Variants in MCU observed in about 807,000 individuals in gnomAD.
MCU encodes mitochondrial calcium uniporter.
A neutral mutation model predicts 45.2 loss-of-function variants in MCU; 12 were observed. The ratio of observed to expected loss-of-function variants is 0.27; its 90% CI spans 0.17 to 0.43. The LOEUF is 0.43. Ranked by LOEUF, MCU falls within the 20% of genes least tolerant of loss-of-function variation. MCU has a pLI of 1.00. For synonymous variants in MCU, 160 were observed against 165.1 expected, an observed-to-expected ratio of 0.97 and a Z score of 0.24; for missense variants, 324 against 436.7, an observed-to-expected ratio of 0.74 and a Z score of 2.30.
intron 4 of MCU, among the ~76,000 whole-genome samples, chr10:72,864,709 C>CG (rs1274563423): frequency 6.6e-6 from 1 of 152,066 alleles, no homozygotes; most frequent in Non-Finnish European, 1.5e-5. Flanking sequence ...CCAACACCCC[C>CG]GCCACATTGT....
intron 2 of MCU, among the ~76,000 whole-genome samples, chr10:72,851,211 A>C (rs1845202637): frequency 6.6e-6 from 1 of 152,210 alleles, no homozygotes. Context: ...TGCTCTTTAA[A>C]GGAAGAAGTT....
intron 1 of MCU, among the ~76,000 whole-genome samples, chr10:72,796,693 G>GT (rs34029455): frequency 0.42 from 55,529 of 133,780 alleles, 12,949 homozygotes; most frequent in Middle Eastern, 0.57. Flanking sequence ...TTTAGTTTTT[G>GT]TTTTTTTTTT....
intron 1 of MCU, among the ~76,000 whole-genome samples, chr10:72,804,177 C>T (rs1291156433): frequency 6.7e-6 from 1 of 149,792 alleles, no homozygotes; most frequent in East Asian, 2.0e-4. Context: ...ACCTCCACCT[C>T]CTGGGTTCAA....
At chr10:72,828,928 T>A (rs374891148) in intron 1 of MCU, among the ~76,000 whole-genome samples, 2 of 152,320 alleles carry the variant, frequency 1.3e-5, no homozygotes, top group South Asian at 2.1e-4. Flanking sequence ...GTTCTCAAGT[T>A]ACTTATTAAA....
intron 1 of MCU, among the ~76,000 whole-genome samples, chr10:72,772,722 A>T (rs1268509802): frequency 6.6e-6 from 1 of 152,196 alleles, no homozygotes; most frequent in Non-Finnish European, 1.5e-5. Context: ...AATCAAAACA[A>T]GCCAGATAGA....
At chr10:72,799,502 A>T (rs1564560151) in intron 1 of MCU, among the ~76,000 whole-genome samples, 2 of 147,694 alleles carry the variant, frequency 1.4e-5, no homozygotes, top group South Asian at 2.1e-4. Context: ...TTTTTTTTTT[A>T]AACAAGATGC....
intron 1 of MCU, among the ~76,000 whole-genome samples, chr10:72,793,748 G>A (rs1474891292): frequency 2.0e-5 from 3 of 152,072 alleles, no homozygotes; most frequent in African/African-American, 7.2e-5. Flanking sequence ...TTTCCTAACT[G>A]CATGGTGGCT....
At chr10:72,778,872 G>T (rs1026563954) in intron 1 of MCU, among the ~76,000 whole-genome samples, 1 of 152,038 alleles carries the variant, frequency 6.6e-6, no homozygotes, top group Non-Finnish European at 1.5e-5. Flanking sequence ...AATTTCAGTG[G>T]GGAAAAAAAA....
intron 1 of MCU, among the ~76,000 whole-genome samples, chr10:72,781,974 G>A (rs1844001476): frequency 6.6e-6 from 1 of 152,096 alleles, no homozygotes; most frequent in African/African-American, 2.4e-5. Context: ...GATGTTTGGG[G>A]TCACTTTCAT....
At chr10:72,872,904 C>G (rs1448408939) in intron 6 of MCU, among the ~76,000 whole-genome samples, 2 of 151,990 alleles carry the variant, frequency 1.3e-5, no homozygotes, top group African/African-American at 4.8e-5. Flanking sequence ...ACATCCTCAC[C>G]AGCATTTGAT....
At chr10:72,759,365 T>A (rs1038746249) in intron 1 of MCU, among the ~76,000 whole-genome samples, 5 of 152,128 alleles carry the variant, frequency 3.3e-5, no homozygotes, top group Non-Finnish European at 5.9e-5. Flanking sequence ...TTCTATACAA[T>A]GTCTGTAATC....
rs116979465 is a variant in MCU at position 72,749,465 on chromosome 10, T to C, written c.150+57164T>C. 2.6e-3 allele frequency among the ~76,000 whole-genome samples: 398 copies of C among 152,362 alleles called. 1 individual carries two copies. The highest frequency in any genetic ancestry group is 4.2e-3 in the Non-Finnish European group (287 of 68,036). ...AGAATATAATTTTATTAGCTTATAA[T>C]TACAAAATAAATACAACACATTAGG... On this transcript the variant is annotated intron_variant, in intron 1 of 7. Coordinates refer to ENST00000373053, the MANE Select transcript of MCU (RefSeq NM_138357.3).
chr10:72,819,364 C>T (rs1844674493), intron 1 of MCU, among the ~76,000 whole-genome samples: 2 of 152,214 alleles, frequency 1.3e-5, no homozygotes, highest in Non-Finnish European at 2.9e-5. Flanking sequence ...TTAGCCCTTT[C>T]ATTAATTGTT....
intron 1 of MCU, among the ~76,000 whole-genome samples, chr10:72,700,556 ATTAATT>A (rs1301372739): frequency 6.6e-6 from 1 of 152,198 alleles, no homozygotes; most frequent in Non-Finnish European, 1.5e-5. Context: ...CTTCAAGCAA[ATTAATT>A]TTAATAAGTT....
chr10:72,843,069 A>G (rs925263829), intron 2 of MCU, among the ~76,000 whole-genome samples: 2 of 152,164 alleles, frequency 1.3e-5, no homozygotes, highest in Admixed American at 1.3e-4. Context: ...TATCCTATAT[A>G]TTCCCTGCCC....
intron 1 of MCU, among the ~76,000 whole-genome samples, chr10:72,778,925 A>G (rs1444997091): frequency 3.3e-5 from 5 of 152,180 alleles, no homozygotes; most frequent in African/African-American, 4.8e-5. Context: ...TGGAGCCTGC[A>G]TAAGGATGGA....
intron 1 of MCU, among the ~76,000 whole-genome samples, chr10:72,757,706 C>T (rs1394649207): frequency 6.6e-6 from 1 of 152,120 alleles, no homozygotes; most frequent in Non-Finnish European, 1.5e-5. Context: ...TTTTCCCCAA[C>T]TAAATAATTC....
intron 1 of MCU, among the ~76,000 whole-genome samples, chr10:72,708,887 C>T (rs949281049): frequency 1.3e-5 from 2 of 152,078 alleles, no homozygotes; most frequent in African/African-American, 4.8e-5. Context: ...CTCAGTGGCT[C>T]ACGTTTGTAA....
At chr10:72,769,884 C>T (rs928935729) in intron 1 of MCU, among the ~76,000 whole-genome samples, 10 of 152,014 alleles carry the variant, frequency 6.6e-5, no homozygotes, top group South Asian at 4.2e-4. Flanking sequence ...GGTGTTAGGT[C>T]GGTGTTTTGG....
Sources: allele counts gnomAD v4.1 joint callset (sites outside exome capture counted in the v4.1 genomes callset), GRCh38; gene constraint gnomAD v4.1.1; transcripts MANE v1.5; gene names NCBI Gene and HGNC (gene_info 2026-07-23, HGNC 2026-07-21).